The following EFHB variants were observed in gnomAD, a reference collection of about 807,000 sequenced individuals.
The protein encoded by EFHB is EF-hand domain-containing family member B.
EFHB carries 91 observed loss-of-function variants against 87.2 expected under a neutral mutation model. The ratio of observed to expected loss-of-function variants is 1.04; its 90% CI spans 0.88 to 1.24. EFHB has a LOEUF of 1.24. Among genes scored for constraint, EFHB ranks in the 50% most tolerant of loss-of-function variants. The probability of loss-of-function intolerance (pLI) is 0.00; values close to 1 mark genes in which losing one functional copy is unlikely to be tolerated. For synonymous variants in EFHB, 325 were observed against 333.6 expected (o/e 0.97, Z 0.28); for missense variants, 1,084 against 998.8 (o/e 1.09, Z -1.15).
At chr3:19,923,581 C>T (rs1695512886) in intron 1 of EFHB, among the ~76,000 whole-genome samples, 1 of 152,088 alleles carries the variant, frequency 6.6e-6, no homozygotes, top group African/African-American at 2.4e-5. Context: ...TGACATGTTG[C>T]ACAGGCTGGT....
intron 7 of EFHB, among the ~76,000 whole-genome samples, chr3:19,899,124 A>G (rs959668109): frequency 6.6e-6 from 1 of 152,212 alleles, no homozygotes; most frequent in African/African-American, 2.4e-5. Flanking sequence ...AATAGAGAGC[A>G]AGACAGACAG....
chr3:19,896,948 C>T, intron 8 of EFHB, 107 bp from the exon 9 acceptor site: 1 of 973,134 alleles, frequency 1.0e-6, no homozygotes, highest in Middle Eastern at 3.3e-4. Context: ...ATGAAAGAAA[C>T]ATCTAACTCT....
chr3:19,930,745 G>T (rs1395364345), intron 1 of EFHB, among the ~76,000 whole-genome samples: 5 of 152,140 alleles, frequency 3.3e-5, no homozygotes, highest in Non-Finnish European at 5.9e-5. Context: ...TAGGACTACA[G>T]GCACATACTA....
intron 9 of EFHB, among the ~76,000 whole-genome samples, chr3:19,893,763 G>T (rs1694384037): frequency 6.6e-6 from 1 of 152,116 alleles, no homozygotes; most frequent in African/African-American, 2.4e-5. Flanking sequence ...AGCCCCATTT[G>T]CAGTCATTCC....
rs781168489 is a variant in EFHB, at chr3:19,888,466, A to G, written c.1911T>C (p.Tyr637=). The G allele has an allele frequency of 1.3e-6, 2 of 1,559,058 alleles. No individual in the cohort carries two copies. Among genetic ancestry groups the G allele is most frequent in the South Asian group, 2.4e-5 (2 of 84,810 alleles). ...NWKDKMLLKE[Y]EERVIIKGRK... is the part of the protein sequence containing the mutation. ...TACCTTTAATAATGACCCTCTCTTC[A>G]TACTCTTTAAGAAGCATTTTGTCTT... Residue 637 remains tyrosine (Y), a synonymous_variant, in exon 10 of 13, where the codon TAT becomes TAC. Transcript: ENST00000295824.
chr3:19,901,637 A>AT (rs1206533458), intron 6 of EFHB, among the ~76,000 whole-genome samples: 1 of 152,182 alleles, frequency 6.6e-6, no homozygotes, highest in Non-Finnish European at 1.5e-5. Context: ...ACTTGAACAA[A>AT]CAGAGTTAAC....
intron 4 of EFHB, among the ~76,000 whole-genome samples, chr3:19,915,828 C>T (rs145394311): frequency 2.2e-4 from 34 of 151,332 alleles, no homozygotes; most frequent in Non-Finnish European, 4.4e-4. Context: ...CAAAAATTAG[C>T]CAGGTGTGGA....
intron 10 of EFHB, 81 bp downstream of exon 10, chr3:19,888,363 C>A: frequency 2.5e-6 from 2 of 788,114 alleles, no homozygotes; most frequent in South Asian, 8.8e-5. Flanking sequence ...ATAGTGAGAC[C>A]TCGTCTGTAT....
chr3:19,879,493 T>A lies in EFHB; in HGVS notation c.*138A>T, dbSNP rs376631057. 3.4e-6 allele frequency: 3 copies of A among 882,298 alleles called. No homozygotes were observed. The highest frequency in any genetic ancestry group is 6.4e-5 in the South Asian group (2 of 31,120). 54.7% of individuals were successfully genotyped at this position (882,298 alleles called of 1,614,324 possible). A position where few individuals can be genotyped will look rare whatever the true frequency, so the allele number is the denominator to read the frequency against. ...TAAATTTTAAAATCCAAAATCTAAT[T>A]TATTAGCAACACATACAGGCATATG... is the stretch of plus-strand genomic sequence containing the variant. On this transcript the variant is annotated 3_prime_UTR_variant, in exon 13 of 13. Transcript: ENST00000295824.
Position 19,882,589 on chromosome 3 carries a change from C to CA in EFHB, c.2288dup (p.Phe764ValfsTer2), listed in dbSNP as rs757815345. On this transcript the variant is annotated frameshift_variant, in exon 12 of 13. Transcript: ENST00000295824. LOFTEE classifies it high-confidence loss of function. ...TGGTCTTGAAGAAGTCTCTTTCAAA[C>CA]ACTCCTTTCCGGGCAAAAATGGTAG... 6.2e-7 allele frequency: 1 copy of CA among 1,611,198 alleles called. No homozygotes were observed. The highest frequency in any genetic ancestry group is 8.5e-7 in the Non-Finnish European group (1 of 1,178,310).
chr3:19,922,384 T>C (rs1447716239), intron 1 of EFHB, among the ~76,000 whole-genome samples: 3 of 152,210 alleles, frequency 2.0e-5, no homozygotes, highest in Non-Finnish European at 4.4e-5. Flanking sequence ...TTCTTCTTCA[T>C]CCTATGTTAT....
upstream of EFHB, chr3:19,936,426 T>C (rs895387701): frequency 2.7e-5 from 14 of 518,410 alleles, no homozygotes; most frequent in African/African-American, 2.5e-4. Context: ...CAGCCAGGTG[T>C]AGTGGTACAT....
At position 19,884,482 on chromosome 3, in the gene EFHB, T is replaced by A; in HGVS notation, c.2067A>T (p.Arg689Ser). The A allele has an allele frequency of 6.2e-7, 1 of 1,613,986 alleles. No individual in the cohort carries two copies. The highest frequency in any genetic ancestry group is 8.5e-7 in the Non-Finnish European group (1 of 1,179,870). ...AGTAGTTGGAAACTTTATCACTTGG[T>A]CTCAGAAGTGTCCGGAGAGTCTTTT... ...STEKTLRTLL[R>S]PSDKVSNYYK... is the part of the protein sequence containing the mutation. The change falls in exon 11 of 13, where the codon AGA becomes AGT. Residue 689 changes from arginine (R) to serine (S), a missense_variant. Transcript: ENST00000295824.
intron 10 of EFHB, among the ~76,000 whole-genome samples, chr3:19,885,729 C>T (rs1694079008): frequency 6.6e-6 from 1 of 152,164 alleles, no homozygotes. Flanking sequence ...GAACGCATTC[C>T]TCCCCGCAAC....
rs147338238 is a variant in EFHB at position 19,889,426 on chromosome 3, G to T, written c.1726-775C>A. Among the ~76,000 whole-genome samples, 247 of 152,264 alleles carry T rather than the reference G, an allele frequency of 1.6e-3. 1 individual carries two copies. The highest frequency in any genetic ancestry group is 5.7e-3 in the African/African-American group (236 of 41,536). On this transcript the variant is annotated intron_variant, in intron 9 of 12. Coordinates refer to ENST00000295824, the MANE Select transcript of EFHB (RefSeq NM_144715.4). Reference sequence around the variant, plus strand: ...TTTGTTTCTGCAGTGAATTCTTCCTGCTATAAGGGAGCTTTGGCCCCCTCA... The same window carrying T: ...TTTGTTTCTGCAGTGAATTCTTCCTTCTATAAGGGAGCTTTGGCCCCCTCA...
chr3:19,902,622 G>A (rs1694710396), intron 6 of EFHB, among the ~76,000 whole-genome samples: 1 of 151,938 alleles, frequency 6.6e-6, no homozygotes, highest in South Asian at 2.1e-4. Context: ...AAAGTGCTGG[G>A]ATTACAGGCA....
chr3:19,934,997 G>A (rs1159124399), upstream of EFHB, among the ~76,000 whole-genome samples: 1 of 151,590 alleles, frequency 6.6e-6, no homozygotes, highest in Non-Finnish European at 1.5e-5. Context: ...TGCAAACTCC[G>A]CCTCCTGGGT....
intron 8 of EFHB, among the ~76,000 whole-genome samples, chr3:19,898,501 T>C (rs1045655840): frequency 1.3e-5 from 2 of 152,212 alleles, no homozygotes; most frequent in African/African-American, 4.8e-5. Flanking sequence ...GCTTGTTTAA[T>C]ATAGGCCATA....
intron 11 of EFHB, among the ~76,000 whole-genome samples, chr3:19,883,776 G>A (rs1355749336): frequency 6.6e-6 from 1 of 152,218 alleles, no homozygotes; most frequent in Non-Finnish European, 1.5e-5. Flanking sequence ...ACGTGAAGAT[G>A]AAGGCAGAGA....
Sources: gnomAD v4.1 joint callset for allele counts (sites outside exome capture counted in the v4.1 genomes callset) on GRCh38, gnomAD v4.1.1 for gene constraint, MANE v1.5 for transcripts, NCBI Gene and HGNC (gene_info 2026-07-23, HGNC 2026-07-21) for gene names.